Variants in MSH3 observed in about 807,000 individuals in gnomAD.
MSH3 encodes the protein DNA mismatch repair protein Msh3.
A neutral mutation model predicts 123.3 loss-of-function variants in MSH3; 106 were observed. That is an observed-to-expected ratio of 0.86 (90% confidence interval 0.73 to 1.01). The LOEUF (loss-of-function observed/expected upper bound fraction) is 1.01, where lower values mean the gene tolerates loss of function less well. Ranked by LOEUF, MSH3 falls within the 50% of genes least tolerant of loss-of-function variation. The pLI is 0.00. For synonymous variants in MSH3, 515 were observed against 481.4 expected (o/e 1.07, Z -0.91); for missense variants, 1,459 against 1,347.6 (o/e 1.08, Z -1.29).
At chr5:80,665,007 T>TA (rs1423330739) in intron 2 of MSH3, 136 bp from the exon 3 acceptor site, 10 of 676,934 alleles carry the variant, frequency 1.5e-5, no homozygotes, top group African/African-American at 5.4e-5. Context: ...TTTCTTTTTT[T>TA]AAAAAAATCA....
chr5:80,740,340 G>T (rs1438220034), intron 10 of MSH3, among the ~76,000 whole-genome samples: 1 of 151,092 alleles, frequency 6.6e-6, no homozygotes, highest in Non-Finnish European at 1.5e-5. Context: ...CCATGGTAAT[G>T]TGTGTTTTTT....
intron 11 of MSH3, among the ~76,000 whole-genome samples, chr5:80,743,337 C>G (rs1318479712): frequency 6.6e-6 from 1 of 152,140 alleles, no homozygotes; most frequent in Non-Finnish European, 1.5e-5. Flanking sequence ...CTTGTACCTT[C>G]TCTGTGCTCT....
intron 8 of MSH3, among the ~76,000 whole-genome samples, chr5:80,704,801 A>G (rs1750682353): frequency 6.6e-6 from 1 of 152,224 alleles, no homozygotes; most frequent in South Asian, 2.1e-4. Context: ...TGTGTAAGGT[A>G]ACATACCTGA....
At chr5:80,695,400 T>C (rs918456793) in intron 8 of MSH3, among the ~76,000 whole-genome samples, 6 of 152,146 alleles carry the variant, frequency 3.9e-5, no homozygotes, top group Non-Finnish European at 8.8e-5. Flanking sequence ...AGTGGCATGA[T>C]CTCAGCTCAC....
chr5:80,820,270 A>C (rs953461616), intron 20 of MSH3, among the ~76,000 whole-genome samples: 1 of 152,206 alleles, frequency 6.6e-6, no homozygotes, highest in South Asian at 2.1e-4. Flanking sequence ...CACAGTGCCC[A>C]GAAAGCCAAA....
chr5:80,815,959 A>G (rs1745096362), intron 20 of MSH3, among the ~76,000 whole-genome samples: 1 of 152,232 alleles, frequency 6.6e-6, no homozygotes, highest in South Asian at 2.1e-4. Flanking sequence ...ATTCTTATCA[A>G]GGTACAGGCA....
At chr5:80,747,167 A>G (rs892829585) in intron 12 of MSH3, among the ~76,000 whole-genome samples, 2 of 152,222 alleles carry the variant, frequency 1.3e-5, no homozygotes, top group Non-Finnish European at 2.9e-5. Flanking sequence ...AAGGCTGCCT[A>G]AACATCTACT....
At chr5:80,836,543 C>CAAAAAAA (rs71603568) in intron 20 of MSH3, among the ~76,000 whole-genome samples, 305 of 118,708 alleles carry the variant, frequency 2.6e-3, no homozygotes, top group East Asian at 8.8e-3. Context: ...GAATATGCCA[C>CAAAAAAA]AAAAAAAAAA....
chr5:80,783,701 G>GACCTGGGCAGT (rs1261956388), intron 17 of MSH3, among the ~76,000 whole-genome samples: 1 of 152,090 alleles, frequency 6.6e-6, no homozygotes, highest in Admixed American at 6.5e-5. Context: ...ACCTGGGCAG[G>GACCTGGGCAGT]ACCTGAGAAG....
At chr5:80,868,378 C>T (rs1746141397) in intron 22 of MSH3, among the ~76,000 whole-genome samples, 1 of 151,688 alleles carries the variant, frequency 6.6e-6, no homozygotes, top group Admixed American at 6.6e-5. Context: ...AAATGCTTAT[C>T]AACGGTAGAC....
intron 19 of MSH3, among the ~76,000 whole-genome samples, chr5:80,799,500 CTTTTTTTTTTTTTTTTTT>C (rs746348952): frequency 6.2e-5 from 2 of 32,324 alleles, no homozygotes; most frequent in East Asian, 9.8e-4. Context: ...GAAGATAGCA[CTTTTTTTTTTTTTTTTTT>C]TTTTTTTTTT....
At chr5:80,837,005 C>T (rs537155853) in intron 20 of MSH3, among the ~76,000 whole-genome samples, 2 of 152,174 alleles carry the variant, frequency 1.3e-5, no homozygotes, top group South Asian at 4.1e-4. Flanking sequence ...ACATGGGATC[C>T]TGTGTTGTGC....
intron 13 of MSH3, among the ~76,000 whole-genome samples, chr5:80,764,910 G>A (rs989154383): frequency 9.9e-5 from 15 of 152,142 alleles, no homozygotes; most frequent in Admixed American, 2.0e-4. Context: ...TGCATGTTCA[G>A]TGTGGCACTT....
intron 17 of MSH3, among the ~76,000 whole-genome samples, chr5:80,779,646 GTTCTCCCACCTCAGTCA>G (rs1233527248): frequency 1.3e-5 from 2 of 149,148 alleles, no homozygotes; most frequent in Non-Finnish European, 1.5e-5. Context: ...TGCCTCCCGA[GTTCTCCCACCTCAGTCA>G]TTCTCCCACC....
chr5:80,786,019 C>T (rs1364233423), intron 17 of MSH3, among the ~76,000 whole-genome samples: 1 of 151,846 alleles, frequency 6.6e-6, no homozygotes, highest in Non-Finnish European at 1.5e-5. Flanking sequence ...GGAGGGATAA[C>T]ATTGGGAGAT....
In MSH3 at chr5:80,813,619, A is replaced by C. The variant is rs765447625; in HGVS notation, c.2691A>C (p.Pro897=). 2.5e-6 allele frequency: 4 copies of C among 1,614,198 alleles called. No individual in the cohort carries two copies. The highest frequency in any genetic ancestry group is 3.4e-6 in the Non-Finnish European group (4 of 1,180,016). Residue 897 remains proline, a synonymous_variant, in exon 20 of 24, where the codon CCA becomes CCC. Transcript: ENST00000265081. ...DSERVMIITG[P]NMGGKSSYIK... ...AGAGAGTAATGATAATTACCGGACC[A>C]AACATGGGTGGAAAGAGCTCCTACA...
chr5:80,718,403 C>G (rs778865672), intron 8 of MSH3, among the ~76,000 whole-genome samples: 3 of 152,132 alleles, frequency 2.0e-5, no homozygotes, highest in Admixed American at 2.0e-4. Flanking sequence ...CAGGTGCATA[C>G]CACTGTGTCT....
intron 8 of MSH3, among the ~76,000 whole-genome samples, chr5:80,681,039 C>A (rs2112820744): frequency 6.6e-6 from 1 of 152,130 alleles, no homozygotes; most frequent in African/African-American, 2.4e-5. Context: ...CTCTTGATTG[C>A]TTGCTAGAAA....
chr5:80,695,328 T>A (rs953363199), intron 8 of MSH3, among the ~76,000 whole-genome samples: 2 of 151,944 alleles, frequency 1.3e-5, no homozygotes, highest in African/African-American at 4.8e-5. Flanking sequence ...CTTCTAAAAT[T>A]TTTGTTCATT....
Sources: gnomAD v4.1 joint callset for allele counts (sites outside exome capture counted in the v4.1 genomes callset) on GRCh38, gnomAD v4.1.1 for gene constraint, MANE v1.5 for transcripts, NCBI Gene and HGNC (gene_info 2026-07-23, HGNC 2026-07-21) for gene names.